The following CELF1 variants were observed in gnomAD, a reference collection of about 807,000 sequenced individuals.
CELF1 encodes the protein CUGBP Elav-like family member 1.
Under a neutral mutation model 61.8 loss-of-function variants are expected in CELF1, and 10 were observed. That is an observed-to-expected ratio of 0.16 (90% CI 0.10 to 0.27). The LOEUF is 0.27. Ranked by LOEUF, CELF1 falls within the 10% of genes least tolerant of loss-of-function variation. The probability of loss-of-function intolerance (pLI) is 1.00; values close to 1 mark genes in which losing one functional copy is unlikely to be tolerated. For missense variants in CELF1, 380 were observed against 639.1 expected, an observed-to-expected ratio of 0.59 and a Z score of 4.37; for synonymous variants, 236 against 225.1, an observed-to-expected ratio of 1.05 and a Z score of -0.43.
At chr11:47,487,365 G>A (rs2153465059) in intron 4 of CELF1, 124 bp from the exon 5 acceptor site, 1 of 639,020 alleles carries the variant, frequency 1.6e-6, no homozygotes, top group Non-Finnish European at 2.7e-6. Context: ...AGTGAGAGGG[G>A]GAGGGTAGTG....
chr11:47,532,808 T>C (rs1483179985), intron 1 of CELF1, among the ~76,000 whole-genome samples: 1 of 152,226 alleles, frequency 6.6e-6, no homozygotes, highest in Admixed American at 6.5e-5. Flanking sequence ...TTCCCACTGC[T>C]GCAGCACCTT....
chr11:47,504,161 T>A (rs188477916), intron 1 of CELF1, among the ~76,000 whole-genome samples: 1 of 151,646 alleles, frequency 6.6e-6, no homozygotes, highest in East Asian at 1.9e-4. Context: ...GGCAACAGAA[T>A]AAGACCCTGT....
At chr11:47,558,108 C>G (rs936443343), upstream of CELF1, among the ~76,000 whole-genome samples, 4 of 152,132 alleles carry the variant, frequency 2.6e-5, no homozygotes, top group African/African-American at 9.7e-5. Flanking sequence ...CTGCCCGCCT[C>G]AGCCTCCGAA....
chr11:47,490,158 C>T (rs536840259), intron 3 of CELF1, among the ~76,000 whole-genome samples: 6 of 151,512 alleles, frequency 4.0e-5, no homozygotes, highest in Admixed American at 2.0e-4. Flanking sequence ...AGGCTAGTCT[C>T]GAACTGACCT....
chr11:47,545,298 C>T (rs1305484396), intron 1 of CELF1, among the ~76,000 whole-genome samples: 2 of 152,002 alleles, frequency 1.3e-5, no homozygotes, highest in Admixed American at 6.6e-5. Flanking sequence ...GGCATGGTGG[C>T]GGGCACCTAT....
chr11:47,558,554 ATATT>A (rs1215579385), intron 2 of CELF1, among the ~76,000 whole-genome samples: 1 of 115,036 alleles, frequency 8.7e-6, no homozygotes, highest in African/African-American at 3.7e-5. Flanking sequence ...TATATTATAT[ATATT>A]TATATATAAT....
At chr11:47,499,745 G>A in intron 2 of CELF1, 141 bp from the exon 3 acceptor site, 1 of 554,162 alleles carries the variant, frequency 1.8e-6, no homozygotes, top group East Asian at 3.0e-5. Context: ...GTGAAGGGAG[G>A]CTCAGCCCAG....
chr11:47,552,160 T>C (rs552000513), intron 1 of CELF1, among the ~76,000 whole-genome samples: 15 of 152,362 alleles, frequency 9.8e-5, no homozygotes, highest in Admixed American at 2.6e-4. Context: ...AGCTCTCTCC[T>C]GGCGAGAAAG....
At chr11:47,532,580 A>C (rs1300582384) in intron 1 of CELF1, among the ~76,000 whole-genome samples, 1 of 152,214 alleles carries the variant, frequency 6.6e-6, no homozygotes, top group Non-Finnish European at 1.5e-5. Context: ...CACTATGAAA[A>C]GTAGAGGAAA....
intron 1 of CELF1, among the ~76,000 whole-genome samples, chr11:47,509,561 C>G (rs986221055): frequency 6.6e-6 from 1 of 152,020 alleles, no homozygotes; most frequent in Non-Finnish European, 1.5e-5. Context: ...CTCCCCACCC[C>G]ACTCCAAAAT....
chr11:47,551,257 T>C (rs950408408), intron 1 of CELF1, among the ~76,000 whole-genome samples: 1 of 152,174 alleles, frequency 6.6e-6, no homozygotes, highest in Non-Finnish European at 1.5e-5. Context: ...AGTTGAGGCC[T>C]GTGATCTGGG....
intron 13 of CELF1, 140 bp from the exon 14 acceptor site, chr11:47,473,371 C>G: frequency 1.3e-6 from 1 of 772,122 alleles, no homozygotes; most frequent in Non-Finnish European, 2.0e-6. Context: ...TAAACAGATT[C>G]TCTAAATACA....
At chr11:47,477,643 T>C (rs1221292271) in intron 10 of CELF1, 6 of 471,698 alleles carry the variant, frequency 1.3e-5, no homozygotes, top group Admixed American at 6.8e-5. Context: ...GCTAATCCAA[T>C]AGCATACCAT....
intron 1 of CELF1, among the ~76,000 whole-genome samples, chr11:47,541,347 T>C (rs2096768596): frequency 6.6e-6 from 1 of 152,136 alleles, no homozygotes; most frequent in Non-Finnish European, 1.5e-5. Context: ...TGGTGACAGT[T>C]TCTAACTTAA....
At chr11:47,529,107 T>A (rs2096371522) in intron 1 of CELF1, among the ~76,000 whole-genome samples, 1 of 150,588 alleles carries the variant, frequency 6.6e-6, no homozygotes, top group Non-Finnish European at 1.5e-5. Flanking sequence ...AGACAGAGTC[T>A]TGCTCTGTAG....
At chr11:47,559,556 C>T (rs1196167055) in intron 2 of CELF1, among the ~76,000 whole-genome samples, 2 of 152,098 alleles carry the variant, frequency 1.3e-5, no homozygotes, top group African/African-American at 4.8e-5. Context: ...CACTCTGTTG[C>T]CCAGGCTGAT....
chr11:47,536,387 C>T (rs200222019), intron 1 of CELF1, among the ~76,000 whole-genome samples: 5 of 152,090 alleles, frequency 3.3e-5, no homozygotes, highest in East Asian at 1.9e-4. Flanking sequence ...GATAGATAGA[C>T]AGACTGATAG....
chr11:47,565,452 T>G, exon 1 of CELF1: 1 of 548,744 alleles, frequency 1.8e-6, no homozygotes, highest in Non-Finnish European at 2.6e-6. Flanking sequence ...CGGGCCCTCC[T>G]CCAGAGTCCC....
rs1322796770 is a variant in CELF1 at position 47,470,340 on chromosome 11, TA to T, written c.*1889del. On this transcript the variant is annotated 3_prime_UTR_variant, in exon 15 of 15. Transcript: ENST00000687097. The stretch of plus-strand genomic sequence containing the variant: ...TTTATTTTTATTTTTTGCATTTATT[TA>T]AAAAATCCCATCATGACCCTGGAAG... The T allele has an allele frequency of 1.3e-5, 2 of 152,014 alleles. No individual in the cohort carries two copies. Among genetic ancestry groups the T allele is most frequent in the Non-Finnish European group, 2.9e-5 (2 of 67,998 alleles). The allele number at this position is 152,014 out of a possible 1,614,324, so 9.4% of individuals were successfully genotyped here. A position where few individuals can be genotyped will look rare whatever the true frequency, so the allele number is the denominator to read the frequency against.
Sources: allele counts gnomAD v4.1 joint callset (sites outside exome capture counted in the v4.1 genomes callset), GRCh38; gene constraint gnomAD v4.1.1; transcripts MANE v1.5; gene names NCBI Gene and HGNC (gene_info 2026-07-23, HGNC 2026-07-21).